The following RPAP2 variants were observed in gnomAD, a reference collection of about 807,000 sequenced individuals.
RPAP2 encodes the protein RNA polymerase II associated protein 2.
In RPAP2, 52 loss-of-function variants were observed where a neutral mutation model predicts 73.1. The ratio of observed to expected loss-of-function variants is 0.71; its 90% CI spans 0.57 to 0.90. The LOEUF (loss-of-function observed/expected upper bound fraction) is 0.90. RPAP2 is among the 40% of genes least tolerant of loss of function. The probability of loss-of-function intolerance (pLI) is 0.00; values close to 1 mark genes in which losing one functional copy is unlikely to be tolerated. For missense variants in RPAP2, 598 were observed against 701.8 expected (o/e 0.85, Z 1.67); for synonymous variants, 225 against 242.1 (o/e 0.93, Z 0.65).
Position 92,323,402 on chromosome 1 carries a change from G to A in RPAP2, c.525-43G>A, listed in dbSNP as rs367821342. On this transcript the variant is annotated intron_variant, in intron 7 of 12. Coordinates refer to ENST00000610020, the MANE Select transcript of RPAP2 (RefSeq NM_024813.3). The stretch of plus-strand genomic sequence containing the variant: ...TTTCTATTGTTTTCGGGTTTTATTT[G>A]CTATTTTTTATTTAGTTATTTTATT... 47 of 1,366,742 alleles carry A rather than the reference G, an allele frequency of 3.4e-5. No homozygotes were observed. In the African/African-American group the frequency reaches 6.5e-4, roughly 19 times the overall value. The allele number at this position is 1,366,742 out of a possible 1,614,324, so 84.7% of individuals were successfully genotyped here.
chr1:92,354,100 C>T (rs1259240874), intron 11 of RPAP2, among the ~76,000 whole-genome samples: 1 of 152,112 alleles, frequency 6.6e-6, no homozygotes, highest in African/African-American at 2.4e-5. Flanking sequence ...GTGATGACAG[C>T]AGTTAGCAGC....
intron 6 of RPAP2, among the ~76,000 whole-genome samples, chr1:92,308,233 A>G (rs1651367415): frequency 6.6e-6 from 1 of 152,206 alleles, no homozygotes; most frequent in Non-Finnish European, 1.5e-5. Context: ...GGATATGGAA[A>G]ACTTAACACT....
chr1:92,307,786 A>C (rs1368268485), intron 6 of RPAP2, among the ~76,000 whole-genome samples: 1 of 151,818 alleles, frequency 6.6e-6, no homozygotes, highest in Non-Finnish European at 1.5e-5. Flanking sequence ...TTGGGAAATG[A>C]TTTAAATACT....
At chr1:92,312,559 A>C (rs1651653974) in intron 6 of RPAP2, among the ~76,000 whole-genome samples, 1 of 152,202 alleles carries the variant, frequency 6.6e-6, no homozygotes, top group East Asian at 1.9e-4. Context: ...CATCTCAAGA[A>C]ACCAGTTTCT....
intron 10 of RPAP2, among the ~76,000 whole-genome samples, chr1:92,344,441 A>G (rs1279528207): frequency 6.6e-6 from 1 of 152,194 alleles, no homozygotes; most frequent in African/African-American, 2.4e-5. Flanking sequence ...GCTTTCTTTC[A>G]TTCAAAATTA....
intron 7 of RPAP2, 26 bp downstream of exon 7, chr1:92,320,660 C>A: frequency 6.4e-7 from 1 of 1,570,376 alleles, no homozygotes; most frequent in South Asian, 1.1e-5. Flanking sequence ...TATCATTTAC[C>A]ATTTATATAT....
At position 92,347,247 on chromosome 1, in the gene RPAP2, T is replaced by G. The variant is rs923802825; in HGVS notation, c.1688+1333T>G. Among the ~76,000 whole-genome samples, 6 of 152,236 alleles carry G rather than the reference T, an allele frequency of 3.9e-5. No individual in the cohort carries two copies. The East Asian group carries it at 1.2e-3, about 29-fold the overall frequency. On this transcript the variant is annotated intron_variant, in intron 11 of 12. Coordinates refer to ENST00000610020, the MANE Select transcript of RPAP2 (RefSeq NM_024813.3). ...CAGTGTTCCAGCTGAATTGGTAATT[T>G]GTGAAACAGATCTTATTAATTTTTT...
rs190910146 is a variant in RPAP2 at position 92,346,001 on chromosome 1, A to T, written c.1688+87A>T. 87 of 930,154 alleles carry T rather than the reference A, an allele frequency of 9.4e-5. 1 individual carries two copies. In the African/African-American group the frequency reaches 1.2e-3, roughly 13 times the overall value. 57.6% of individuals were successfully genotyped at this position (930,154 alleles called of 1,614,324 possible). ...AACAAAGTGATCCACTGATTTTGTA[A>T]ACTGCCTTGGAAAATATCATACCTC... On this transcript the variant is annotated intron_variant, in intron 11 of 12. Transcript: ENST00000610020.
chr1:92,342,384 C>T (rs1653643843), intron 10 of RPAP2, among the ~76,000 whole-genome samples: 1 of 152,044 alleles, frequency 6.6e-6, no homozygotes, highest in Admixed American at 6.5e-5. Flanking sequence ...CGAGCAGAGG[C>T]AAGAGTAGAG....
rs376272202 is a variant in RPAP2, at chr1:92,336,402, C to T, written c.1594C>T (p.Leu532Phe). 4.0e-5 allele frequency: 64 copies of T among 1,608,704 alleles called. No homozygotes were observed. The highest frequency in any genetic ancestry group is 3.0e-4 in the Admixed American group (18 of 59,870). Residue 532 changes from leucine (L) to phenylalanine (F), a missense_variant, in exon 10 of 13, where the codon CTT becomes TTT. Leu to Phe is a conservative substitution (Grantham distance 22). This residue lies in a region of RPAP2 where 506 missense variants were observed against 612.8 expected (regional missense o/e 0.83). Transcript: ENST00000610020. ...TACATTGGGAGATATTTACACACAA[C>T]TTAAAAATCTTGTTCGAACTTTCAG... Reference protein sequence around the residue: ...QITLGDIYTQLKNLVRTFRLT... With the variant: ...QITLGDIYTQFKNLVRTFRLT...
chr1:92,378,073 G>A (rs1309061165), intron 11 of RPAP2, among the ~76,000 whole-genome samples: 1 of 152,136 alleles, frequency 6.6e-6, no homozygotes, highest in Non-Finnish European at 1.5e-5. Flanking sequence ...AGTACTAATG[G>A]CACTTTGAGA....
chr1:92,320,628 A>T lies in RPAP2; in HGVS notation c.518A>T (p.Glu173Val). 1 of 1,609,514 alleles carries T rather than the reference A, an allele frequency of 6.2e-7. No individual in the cohort carries two copies. Among genetic ancestry groups the T allele is most frequent in the East Asian group, 2.2e-5 (1 of 44,838 alleles). Reference protein sequence around the residue: ...RHPDFQLLKEEQSGHSGEEVQ... With the variant: ...RHPDFQLLKEVQSGHSGEEVQ... ...CCTGATTTTCAACTGCTAAAGGAAG[A>T]ACAAAGGTATGGTTGAATCAGTATC... The change falls in exon 7 of 13, where the codon GAA becomes GTA. Residue 173 changes from glutamate to valine, a missense_variant. This residue lies in a region of RPAP2 where 506 missense variants were observed against 612.8 expected (regional missense o/e 0.83). Transcript: ENST00000610020.
chr1:92,336,051 C>G (rs536934618), intron 9 of RPAP2, among the ~76,000 whole-genome samples: 1 of 152,204 alleles, frequency 6.6e-6, no homozygotes, highest in South Asian at 2.1e-4. Flanking sequence ...CCATCTTGGT[C>G]TAATATTTGA....
intron 11 of RPAP2, among the ~76,000 whole-genome samples, chr1:92,356,585 A>ATTGTT (rs763439308): frequency 1.5e-4 from 8 of 51,792 alleles, no homozygotes; most frequent in Non-Finnish European, 2.4e-4. Flanking sequence ...CTCCTGGCTA[A>ATTGTT]TTTTTTTTTT....
At chr1:92,354,039 A>G (rs1654341279) in intron 11 of RPAP2, among the ~76,000 whole-genome samples, 1 of 152,124 alleles carries the variant, frequency 6.6e-6, no homozygotes, top group Non-Finnish European at 1.5e-5. Context: ...AAGGATCCTG[A>G]GCAAAAAGAT....
At chr1:92,320,816 T>G (rs535716340) in intron 7 of RPAP2, among the ~76,000 whole-genome samples, 182 bp downstream of exon 7, 1 of 152,352 alleles carries the variant, frequency 6.6e-6, no homozygotes, top group Admixed American at 6.5e-5. Context: ...GGTAAGATGA[T>G]GTGTTTGATC....
chr1:92,399,806 A>T lies in RPAP2; in HGVS notation c.*12795A>T, dbSNP rs1172064488. On this transcript the variant is annotated 3_prime_UTR_variant, in exon 13 of 13. Transcript: ENST00000610020. The stretch of plus-strand genomic sequence containing the variant: ...GGGGAAAAAATACACTAAATTTTAG[A>T]CAGAGTCACTTTCACTATGGCCACA... 1 of 152,200 alleles carries T rather than the reference A, an allele frequency of 6.6e-6. No homozygotes were observed. Among genetic ancestry groups the T allele is most frequent in the Non-Finnish European group, 1.5e-5 (1 of 68,048 alleles). 9.4% of individuals were successfully genotyped at this position (152,200 alleles called of 1,614,324 possible).
At chr1:92,326,647 G>C (rs1431458540) in intron 8 of RPAP2, among the ~76,000 whole-genome samples, 1 of 152,186 alleles carries the variant, frequency 6.6e-6, no homozygotes, top group South Asian at 2.1e-4. Flanking sequence ...TGTTGTGGGG[G>C]ATGGGAGTGT....
Position 92,323,453 on chromosome 1 carries a change from C to T in RPAP2, c.533C>T (p.Ser178Phe), listed in dbSNP as rs759106704. 3 of 1,575,870 alleles carry T rather than the reference C, an allele frequency of 1.9e-6. No homozygotes were observed. Among genetic ancestry groups the T allele is most frequent in the Non-Finnish European group, 2.6e-6 (3 of 1,160,384 alleles). ...QLLKEEQSGH[S>F]GEEVQLCSKA... ...TCTCTTTCATTCTACAGTGGCCATT[C>T]TGGAGAAGAAGTACAGTTATGCAGT... is the stretch of plus-strand genomic sequence containing the variant. Residue 178 changes from serine to phenylalanine, a missense_variant, in exon 8 of 13, where the codon TCT becomes TTT. Ser to Phe is a radical substitution (Grantham distance 155). Coordinates refer to ENST00000610020, the MANE Select transcript of RPAP2 (RefSeq NM_024813.3).
Sources: gnomAD v4.1 joint callset for allele counts (sites outside exome capture counted in the v4.1 genomes callset) on GRCh38, gnomAD v4.1.1 for gene constraint, gnomAD v4.1.1 regional missense constraint, MANE v1.5 for transcripts, NCBI Gene and HGNC (gene_info 2026-07-23, HGNC 2026-07-21) for gene names.